Variants in OSTN observed in about 807,000 individuals in gnomAD.
The protein encoded by OSTN is osteocrin.
OSTN carries 9 observed loss-of-function variants against 12.0 expected under a neutral mutation model. The observed-to-expected ratio is 0.75, with a 90% confidence interval of 0.45 to 1.30. The LOEUF is 1.30. OSTN is among the 50% of genes most tolerant of loss of function. The pLI, the probability that OSTN is intolerant of heterozygous loss-of-function variation, is 0.00. For synonymous variants in OSTN, 59 were observed against 56.9 expected (o/e 1.04, Z -0.16); for missense variants, 148 against 152.3 (o/e 0.97, Z 0.15).
At chr3:191,229,147 A>G (rs1219872996) in intron 3 of OSTN, among the ~76,000 whole-genome samples, 1 of 152,254 alleles carries the variant, frequency 6.6e-6, no homozygotes, top group African/African-American at 2.4e-5. Flanking sequence ...CAAATAATCC[A>G]GTTTCTTCCA....
chr3:191,208,188 C>T, intron 1 of OSTN, among the ~76,000 whole-genome samples: 1 of 152,110 alleles, frequency 6.6e-6, no homozygotes, highest in East Asian at 1.9e-4. Flanking sequence ...TTCACGCAAT[C>T]AATGAACACC....
chr3:191,249,428 T>C (rs1413029846), intron 3 of OSTN, among the ~76,000 whole-genome samples: 2 of 152,228 alleles, frequency 1.3e-5, no homozygotes, highest in Non-Finnish European at 2.9e-5. Context: ...TGTGGACTTT[T>C]TATACTTCAT....
chr3:191,227,543 G>A (rs983926993), intron 3 of OSTN, among the ~76,000 whole-genome samples: 17 of 151,996 alleles, frequency 1.1e-4, no homozygotes, highest in South Asian at 2.1e-4. Context: ...CACGCATAAG[G>A]CTATTCATTT....
intron 1 of OSTN, among the ~76,000 whole-genome samples, chr3:191,211,410 G>A (rs1714413664): frequency 2.0e-5 from 3 of 151,942 alleles, no homozygotes. Flanking sequence ...CTCTTGAATG[G>A]GGCACTAGGT....
intron 3 of OSTN, among the ~76,000 whole-genome samples, chr3:191,227,275 A>T (rs986260658): frequency 4.6e-5 from 7 of 152,048 alleles, no homozygotes; most frequent in African/African-American, 1.7e-4. Flanking sequence ...GTGCACTATG[A>T]TTTTACTGAT....
At chr3:191,236,903 A>G (rs1356994787) in intron 3 of OSTN, among the ~76,000 whole-genome samples, 2 of 152,328 alleles carry the variant, frequency 1.3e-5, no homozygotes, top group East Asian at 1.9e-4. Flanking sequence ...TGCCTCTGAC[A>G]TTAGGATCCA....
chr3:191,250,195 C>T, intron 4 of OSTN, 62 bp downstream of exon 4: 1 of 1,217,940 alleles, frequency 8.2e-7, no homozygotes, highest in South Asian at 1.2e-5. Context: ...TCACAATGGA[C>T]TAATCAATCC....
intron 4 of OSTN, among the ~76,000 whole-genome samples, chr3:191,252,879 A>G (rs968240804): frequency 6.6e-6 from 1 of 152,272 alleles, no homozygotes; most frequent in Non-Finnish European, 1.5e-5. Context: ...AGAGCAGCTT[A>G]AAAGTCATTA....
chr3:191,217,762 G>A (rs1341463131), intron 2 of OSTN, among the ~76,000 whole-genome samples: 1 of 152,212 alleles, frequency 6.6e-6, no homozygotes, highest in African/African-American at 2.4e-5. Flanking sequence ...GCTAGTATTT[G>A]TTAATAAATC....
At chr3:191,255,766 A>C (rs1162686049) in intron 4 of OSTN, among the ~76,000 whole-genome samples, 2 of 152,076 alleles carry the variant, frequency 1.3e-5, no homozygotes, top group East Asian at 3.9e-4. Context: ...ATGTTCAAAC[A>C]AAAAAAGTCA....
At chr3:191,204,170 G>A (rs145300769) in intron 1 of OSTN, among the ~76,000 whole-genome samples, 3 of 152,312 alleles carry the variant, frequency 2.0e-5, no homozygotes, top group Non-Finnish European at 4.4e-5. Flanking sequence ...GATCACAGGC[G>A]TGAGCCACCG....
intron 3 of OSTN, among the ~76,000 whole-genome samples, chr3:191,236,001 T>A (rs538228096): frequency 2.4e-4 from 37 of 152,306 alleles, no homozygotes; most frequent in African/African-American, 8.7e-4. Flanking sequence ...TTTCCCCATA[T>A]GAAGGAGGAA....
At chr3:191,255,099 C>T (rs774570410) in intron 4 of OSTN, among the ~76,000 whole-genome samples, 4 of 152,156 alleles carry the variant, frequency 2.6e-5, no homozygotes, top group Non-Finnish European at 5.9e-5. Context: ...TGGGATGAAG[C>T]TGTTCCACCT....
chr3:191,201,296 A>G (rs1714148190), intron 1 of OSTN, among the ~76,000 whole-genome samples: 1 of 151,830 alleles, frequency 6.6e-6, no homozygotes, highest in Non-Finnish European at 1.5e-5. Context: ...CAATTTCTAT[A>G]TTATTATCTT....
chr3:191,237,275 C>T (rs1220324816), intron 3 of OSTN, among the ~76,000 whole-genome samples: 2 of 152,188 alleles, frequency 1.3e-5, no homozygotes, highest in South Asian at 2.1e-4. Context: ...GTGAGATTCA[C>T]TTAGAATATA....
intron 1 of OSTN, among the ~76,000 whole-genome samples, chr3:191,199,523 G>A (rs544692326): frequency 6.6e-6 from 1 of 152,048 alleles, no homozygotes; most frequent in African/African-American, 2.4e-5. Flanking sequence ...ATATTTATAA[G>A]ATTGCTTTTC....
chr3:191,230,562 CAAAAAAAAAAA>C (rs35542147), intron 3 of OSTN, among the ~76,000 whole-genome samples: 2 of 36,446 alleles, frequency 5.5e-5, no homozygotes, highest in South Asian at 1.2e-3. Context: ...GACTCCGTCT[CAAAAAAAAAAA>C]AAAAAAAAAA....
At chr3:191,253,956 G>A (rs1416251241) in intron 4 of OSTN, among the ~76,000 whole-genome samples, 1 of 152,230 alleles carries the variant, frequency 6.6e-6, no homozygotes, top group Non-Finnish European at 1.5e-5. Context: ...CAGCTTTGGA[G>A]AGATTTGGAT....
intron 3 of OSTN, among the ~76,000 whole-genome samples, chr3:191,232,506 C>CTATATATATATATATATATATA (rs150235705): frequency 4.1e-5 from 6 of 146,320 alleles, no homozygotes; most frequent in Non-Finnish European, 9.0e-5. Flanking sequence ...AAAGTAAATG[C>CTATATATATATATATATATATA]TATATATATA....
Sources: allele counts gnomAD v4.1 joint callset (sites outside exome capture counted in the v4.1 genomes callset), GRCh38; gene constraint gnomAD v4.1.1; transcripts MANE v1.5; gene names NCBI Gene and HGNC (gene_info 2026-07-23, HGNC 2026-07-21).